LMF1: variants seen among roughly 807,000 people sequenced by gnomAD.
LMF1 encodes the protein lipase maturation factor 1.
LMF1 carries 68 observed loss-of-function variants against 60.6 expected under a neutral mutation model. The ratio of observed to expected loss-of-function variants is 1.12; its 90% CI spans 0.92 to 1.37. The LOEUF (loss-of-function observed/expected upper bound fraction) is 1.37, where lower values mean the gene tolerates loss of function less well. Among genes scored for constraint, LMF1 ranks in the 40% most tolerant of loss-of-function variants. The pLI, the probability that LMF1 is intolerant of heterozygous loss-of-function variation, is 0.00. For missense variants in LMF1, 948 were observed against 767.2 expected (o/e 1.24, Z -2.78); for synonymous variants, 418 against 324.7 (o/e 1.29, Z -3.09).
intron 2 of LMF1, among the ~76,000 whole-genome samples, chr16:937,782 G>T (rs1445782887): frequency 6.6e-6 from 1 of 152,248 alleles, no homozygotes; most frequent in Admixed American, 6.5e-5. Flanking sequence ...CAGGCTAGTT[G>T]TAAATTTGTA....
chr16:912,225 C>T (rs189359225), intron 3 of LMF1, among the ~76,000 whole-genome samples: 2 of 152,096 alleles, frequency 1.3e-5, no homozygotes, highest in Non-Finnish European at 2.9e-5. Context: ...CAGACAGAGA[C>T]TCGCAGGGGC....
intron 1 of LMF1, chr16:976,464 C>T (rs1567348609): frequency 6.6e-6 from 3 of 454,080 alleles, no homozygotes; most frequent in Non-Finnish European, 8.8e-6. Context: ...TCTCAGACAC[C>T]GCCCCCAGGC....
chr16:929,404 C>A (rs1376329587), intron 3 of LMF1, among the ~76,000 whole-genome samples: 3 of 152,214 alleles, frequency 2.0e-5, no homozygotes, highest in Non-Finnish European at 4.4e-5. Context: ...AACTGGGGGT[C>A]AGGCCCACAC....
intron 4 of LMF1, among the ~76,000 whole-genome samples, chr16:906,937 G>T (rs2070986944): frequency 6.6e-6 from 1 of 152,142 alleles, no homozygotes; most frequent in Admixed American, 6.5e-5. Context: ...CATGAACATG[G>T]TATACCTCTC....
rs1418841013 is a variant in LMF1 at position 871,309 on chromosome 16, G to T, written c.930C>A (p.Phe310Leu). ...TGGGCACCATAGTCAGCCAGTTCAG[G>T]AAGCTGAGGTTCCCGCTGACGATGA... ...AVLIVSGNLS[F>L]LNWLTMVPSL... Residue 310 changes from phenylalanine (F) to leucine (L), a missense_variant, in exon 7 of 11, where the codon TTC becomes TTA. Transcript: ENST00000262301. The T allele has an allele frequency of 6.2e-7, 1 of 1,612,510 alleles. No homozygotes were observed. The highest frequency in any genetic ancestry group is 8.5e-7 in the Non-Finnish European group (1 of 1,179,812).
chr16:934,238 A>G lies in LMF1; in HGVS notation c.514+6T>C. On this transcript the variant is annotated splice_donor_region_variant and intron_variant, in intron 3 of 10. Coordinates refer to ENST00000262301, the MANE Select transcript of LMF1 (RefSeq NM_022773.4). ...GCAGAGCTTTCTCTAAATGCATCTCACTTACCGAAAGAGTACCTGAAAAAC... is the reference window on the plus strand; with the variant it reads ...GCAGAGCTTTCTCTAAATGCATCTCGCTTACCGAAAGAGTACCTGAAAAAC... 1 of 1,599,134 alleles carries G rather than the reference A, an allele frequency of 6.3e-7. No homozygotes were observed. Among genetic ancestry groups the G allele is most frequent in the Non-Finnish European group, 8.5e-7 (1 of 1,179,550 alleles).
chr16:869,828 C>T (rs1190405779), intron 9 of LMF1, 55 bp downstream of exon 9: 85 of 1,555,220 alleles, frequency 5.5e-5, no homozygotes, highest in Middle Eastern at 1.7e-4. Flanking sequence ...CATCTATGGG[C>T]AGAAGAGGGT....
At chr16:896,260 G>A (rs992354353) in intron 4 of LMF1, among the ~76,000 whole-genome samples, 1 of 151,570 alleles carries the variant, frequency 6.6e-6, no homozygotes, top group African/African-American at 2.4e-5. Context: ...CCACACACAC[G>A]CCTCGGAGGG....
At chr16:958,735 A>C (rs2151483616) in intron 1 of LMF1, among the ~76,000 whole-genome samples, 1 of 152,260 alleles carries the variant, frequency 6.6e-6, no homozygotes, top group South Asian at 2.1e-4. Context: ...AAAAATACAA[A>C]AATTAGCTGG....
At chr16:919,824 G>T (rs1326446237) in intron 3 of LMF1, among the ~76,000 whole-genome samples, 1 of 152,136 alleles carries the variant, frequency 6.6e-6, no homozygotes, top group African/African-American at 2.4e-5. Flanking sequence ...GAACGTGGGG[G>T]TGAGGGTGAA....
chr16:864,634 C>A (rs1157017695), intron 10 of LMF1, among the ~76,000 whole-genome samples: 1 of 151,594 alleles, frequency 6.6e-6, no homozygotes, highest in African/African-American at 2.4e-5. Flanking sequence ...AGGGCATAAG[C>A]TCATTATGCA....
intron 10 of LMF1, chr16:855,157 C>T: frequency 3.8e-6 from 1 of 260,858 alleles, no homozygotes. Context: ...CGCAAGGTGC[C>T]TGGGGGTTTC....
In LMF1 at chr16:949,664, C is replaced by T. The variant is rs1269894506; in HGVS notation, c.503+4693G>A. 1.2e-4 allele frequency among the ~76,000 whole-genome samples: 11 copies of T among 90,800 alleles called. 1 individual carries two copies. The highest frequency in any genetic ancestry group is 1.6e-4 in the Non-Finnish European group (8 of 49,654). 59.6% of individuals were successfully genotyped at this position (90,800 alleles called of 152,430 possible). ...CAGCCAATGACAGAGTCAGAGCCAACGACAGAGTCAGCCAATGACAGAGTC... is the reference window on the plus strand; with the variant it reads ...CAGCCAATGACAGAGTCAGAGCCAATGACAGAGTCAGCCAATGACAGAGTC... On this transcript the variant is annotated intron_variant, in intron 2 of 10. Transcript: ENST00000262301.
At position 970,850 on chromosome 16, in the gene LMF1, A is replaced by G; in HGVS notation, c.131T>C (p.Leu44Pro). 1 of 1,556,464 alleles carries G rather than the reference A, an allele frequency of 6.4e-7. No individual in the cohort carries two copies. Among genetic ancestry groups the G allele is most frequent in the Non-Finnish European group, 8.7e-7 (1 of 1,152,122 alleles). The change falls in exon 1 of 11, where the codon CTC becomes CCC. Residue 44 changes from leucine (L) to proline (P), a missense_variant. Physicochemically the swap from Leu to Pro is moderately conservative, Grantham distance 98 (BLOSUM62 -3). Transcript: ENST00000262301. ...GRGPAGSPAHLHTGTFWLTRI... is the reference protein window; with the variant it reads ...GRGPAGSPAHPHTGTFWLTRI... ...GGTCAGCCAGAAGGTGCCCGTGTGG[A>G]GATGGGCCGGAGAGCCTGCGGGGCC... is the stretch of plus-strand genomic sequence containing the variant.
At chr16:909,761 G>A (rs1424032734) in intron 4 of LMF1, among the ~76,000 whole-genome samples, 1 of 152,222 alleles carries the variant, frequency 6.6e-6, no homozygotes, top group Non-Finnish European at 1.5e-5. Flanking sequence ...CCCAGCACTC[G>A]GGCCCCTGCC....
intron 2 of LMF1, among the ~76,000 whole-genome samples, chr16:954,061 A>C (rs2729574): frequency 0.014 from 1,377 of 96,534 alleles, 252 homozygotes; most frequent in Non-Finnish European, 0.019. Flanking sequence ...ACACAGACAC[A>C]GACCCACTGC....
intron 3 of LMF1, among the ~76,000 whole-genome samples, chr16:919,133 G>T (rs939375668): frequency 2.6e-5 from 4 of 152,082 alleles, no homozygotes; most frequent in African/African-American, 9.7e-5. Context: ...CAGTCTCGGG[G>T]GACAGTCTGT....
At chr16:866,165 A>AT (rs2069604114) in intron 10 of LMF1, among the ~76,000 whole-genome samples, 1 of 152,036 alleles carries the variant, frequency 6.6e-6, no homozygotes, top group Admixed American at 6.6e-5. Flanking sequence ...GTGACAAGTA[A>AT]TTTTTCCACT....
intron 2 of LMF1, among the ~76,000 whole-genome samples, chr16:945,946 C>T (rs574748395): frequency 1.8e-4 from 28 of 152,308 alleles, no homozygotes; most frequent in East Asian, 9.6e-4. Context: ...GTTCTCCCCC[C>T]GGCGTCCAGC....
Sources: gnomAD v4.1 joint callset for allele counts (sites outside exome capture counted in the v4.1 genomes callset) on GRCh38, gnomAD v4.1.1 for gene constraint, MANE v1.5 for transcripts, NCBI Gene and HGNC (gene_info 2026-07-23, HGNC 2026-07-21) for gene names.